NTRK2: variants seen among roughly 807,000 people sequenced by gnomAD.
The protein encoded by NTRK2 is neurotrophic receptor tyrosine kinase 2.
Under a neutral mutation model 94.5 loss-of-function variants are expected in NTRK2, and 13 were observed. That is an observed-to-expected ratio of 0.14 (90% CI 0.09 to 0.22). The LOEUF (loss-of-function observed/expected upper bound fraction) is 0.22, where lower values mean the gene tolerates loss of function less well. Among genes scored for constraint, NTRK2 ranks in the 10% least tolerant of loss-of-function variants. The probability of loss-of-function intolerance (pLI) is 1.00; values close to 1 mark genes in which losing one functional copy is unlikely to be tolerated. For missense variants in NTRK2, 639 were observed against 1,071.2 expected, an observed-to-expected ratio of 0.60 and a Z score of 5.63; for synonymous variants, 372 against 407.4, an observed-to-expected ratio of 0.91 and a Z score of 1.05.
At chr9:84,772,081 G>A (rs779866107) in intron 12 of NTRK2, among the ~76,000 whole-genome samples, 7 of 152,260 alleles carry the variant, frequency 4.6e-5, no homozygotes, top group Middle Eastern at 3.4e-3. Flanking sequence ...GAAGTCACAT[G>A]CCAGCACCAA....
chr9:84,679,320 C>CAT (rs908186465), intron 2 of NTRK2, among the ~76,000 whole-genome samples: 159 of 152,302 alleles, frequency 1.0e-3, no homozygotes, highest in African/African-American at 3.5e-3. Flanking sequence ...AAATCACAGA[C>CAT]ATATATATAC....
At chr9:84,928,939 T>C (rs2077920837) in intron 14 of NTRK2, among the ~76,000 whole-genome samples, 1 of 152,216 alleles carries the variant, frequency 6.6e-6, no homozygotes, top group African/African-American at 2.4e-5. Context: ...ACTGAATAAA[T>C]GTCTCTGTTG....
chr9:84,912,609 G>A (rs1438728428), intron 14 of NTRK2, among the ~76,000 whole-genome samples: 1 of 113,578 alleles, frequency 8.8e-6, no homozygotes, highest in African/African-American at 3.4e-5. Flanking sequence ...TTTTTGACTT[G>A]CCTTTTTTTT....
At chr9:84,831,711 C>T (rs533311142) in intron 12 of NTRK2, among the ~76,000 whole-genome samples, 87 of 152,224 alleles carry the variant, frequency 5.7e-4, no homozygotes, top group Non-Finnish European at 1.2e-3. Flanking sequence ...CCTTTGGGAT[C>T]CAGAGTCTGC....
At chr9:84,971,637 G>C (rs1826194241) in intron 17 of NTRK2, among the ~76,000 whole-genome samples, 1 of 152,218 alleles carries the variant, frequency 6.6e-6, no homozygotes, top group Non-Finnish European at 1.5e-5. Flanking sequence ...GACCTTGCCA[G>C]CCATGCTGAG....
chr9:84,681,589 A>G (rs1200135083), intron 2 of NTRK2, among the ~76,000 whole-genome samples: 4 of 152,078 alleles, frequency 2.6e-5, no homozygotes, highest in Non-Finnish European at 5.9e-5. Flanking sequence ...CAAACATCTA[A>G]TAAGTACTTA....
chr9:84,915,961 G>A (rs187290211), intron 14 of NTRK2, among the ~76,000 whole-genome samples: 59 of 152,202 alleles, frequency 3.9e-4, no homozygotes, highest in African/African-American at 1.4e-3. Flanking sequence ...TTGGGATAAT[G>A]AGGTTGATAC....
chr9:85,006,897 C>T (rs548586672), intron 17 of NTRK2, among the ~76,000 whole-genome samples: 23 of 152,178 alleles, frequency 1.5e-4, no homozygotes, highest in Admixed American at 1.4e-3. Flanking sequence ...GGTATGTGCC[C>T]GCAGCCCCAC....
intron 11 of NTRK2, 144 bp from the exon 12 acceptor site, chr9:84,751,842 A>G: frequency 1.4e-6 from 1 of 707,286 alleles, no homozygotes; most frequent in Non-Finnish European, 2.6e-6. Context: ...GAGTTGGTGT[A>G]CATAAGGCTG....
In NTRK2 at chr9:84,710,660, C is replaced by T; in HGVS notation, c.452C>T (p.Thr151Ile). ...AGGATCCTGGTGGGCAATCCATTTA[C>T]ATGCTCCTGTGACATTATGTGGATC... ...SELILVGNPFTCSCDIMWIKT... is the reference protein window; with the variant it reads ...SELILVGNPFICSCDIMWIKT... The change falls in exon 6 of 19, where the codon ACA becomes ATA. Residue 151 changes from threonine to isoleucine, a missense_variant. Physicochemically the swap from Thr to Ile is moderately conservative, Grantham distance 89. Transcript: ENST00000277120. 6.2e-7 allele frequency: 1 copy of T among 1,614,182 alleles called. No individual in the cohort carries two copies. Among genetic ancestry groups the T allele is most frequent in the African/African-American group, 1.3e-5 (1 of 75,060 alleles).
At chr9:84,792,311 G>A (rs1481840964) in intron 12 of NTRK2, among the ~76,000 whole-genome samples, 6 of 152,156 alleles carry the variant, frequency 3.9e-5, no homozygotes, top group Non-Finnish European at 8.8e-5. Flanking sequence ...ACTTTATCCT[G>A]TTCATAAAAT....
chr9:84,752,117 T>C (rs896066769), intron 12 of NTRK2, 32 bp downstream of exon 12: 4 of 1,538,936 alleles, frequency 2.6e-6, no homozygotes, highest in Non-Finnish European at 2.7e-6. Context: ...TAGCTTCTTA[T>C]GTGGATCATT....
chr9:84,721,268 C>T (rs183378916), intron 6 of NTRK2, among the ~76,000 whole-genome samples: 63 of 152,018 alleles, frequency 4.1e-4, no homozygotes, highest in African/African-American at 1.5e-3. Context: ...CTCCGCCTCC[C>T]GGGTTCAAGC....
Position 85,024,134 on chromosome 9 carries a change from C to G in NTRK2, c.*2697C>G, listed in dbSNP as rs1479071992. ...TATTGCTGATTATTACTATTACTATCTCTGTTGTCTTAAGAGTATGTGCTG... is the reference window on the plus strand; with the variant it reads ...TATTGCTGATTATTACTATTACTATGTCTGTTGTCTTAAGAGTATGTGCTG... On this transcript the variant is annotated 3_prime_UTR_variant, in exon 19 of 19. Transcript: ENST00000277120. 4.3e-6 allele frequency: 1 copy of G among 231,190 alleles called. No individual in the cohort carries two copies. The highest frequency in any genetic ancestry group is 8.6e-6 in the Non-Finnish European group (1 of 116,894). 14.3% of individuals were successfully genotyped at this position (231,190 alleles called of 1,614,324 possible). A position where few individuals can be genotyped will look rare whatever the true frequency, so the allele number is the denominator to read the frequency against.
Position 85,024,954 on chromosome 9 carries a change from C to A in NTRK2, c.*3517C>A. On this transcript the variant is annotated 3_prime_UTR_variant, in exon 19 of 19. Transcript: ENST00000277120. ...ATTTATACATATACAAATGCACATA[C>A]GTAGTGTGTTTGTGTGTTTATGTAT... 2 of 232,962 alleles carry A rather than the reference C, an allele frequency of 8.6e-6. No individual in the cohort carries two copies. Among genetic ancestry groups the A allele is most frequent in the Non-Finnish European group, 1.7e-5 (2 of 117,914 alleles). 14.4% of individuals were successfully genotyped at this position (232,962 alleles called of 1,614,324 possible).
intron 14 of NTRK2, among the ~76,000 whole-genome samples, chr9:84,870,329 G>GTATATATATA (rs1249656013): frequency 1.1e-3 from 22 of 20,566 alleles, no homozygotes; most frequent in Non-Finnish European, 2.7e-3. Context: ...GGGTGTGTGT[G>GTATATATATA]TGTATATATA....
intron 12 of NTRK2, 52 bp downstream of exon 12, chr9:84,752,137 T>C (rs1478381103): frequency 2.2e-6 from 3 of 1,373,556 alleles, no homozygotes; most frequent in Admixed American, 3.4e-5. Flanking sequence ...TTTTGGCTTA[T>C]GACTAATGCT....
At chr9:85,018,280 A>G (rs1430422312) in intron 17 of NTRK2, among the ~76,000 whole-genome samples, 1 of 152,228 alleles carries the variant, frequency 6.6e-6, no homozygotes, top group Non-Finnish European at 1.5e-5. Context: ...TTTCTAAACC[A>G]TATGGTACAT....
chr9:84,683,556 T>A (rs2059521601), intron 2 of NTRK2, among the ~76,000 whole-genome samples: 1 of 152,248 alleles, frequency 6.6e-6, no homozygotes, highest in African/African-American at 2.4e-5. Flanking sequence ...TTTCATGGCA[T>A]ATATGTGCCA....
Sources: allele counts gnomAD v4.1 joint callset (sites outside exome capture counted in the v4.1 genomes callset), GRCh38; gene constraint gnomAD v4.1.1; transcripts MANE v1.5; gene names NCBI Gene and HGNC (gene_info 2026-07-23, HGNC 2026-07-21).